The following PAK6 variants were observed in gnomAD, a reference collection of about 807,000 sequenced individuals.
PAK6 encodes the protein p21 (RAC1) activated kinase 6, also known as serine/threonine-protein kinase PAK 6.
Under a neutral mutation model 60.8 loss-of-function variants are expected in PAK6, and 33 were observed. The observed-to-expected ratio is 0.54, with a 90% CI of 0.41 to 0.73. The LOEUF (loss-of-function observed/expected upper bound fraction) is 0.73. Ranked by LOEUF, PAK6 falls within the 30% of genes least tolerant of loss-of-function variation. PAK6 has a pLI of 0.00. For synonymous variants in PAK6, 404 were observed against 378.5 expected (o/e 1.07, Z -0.78); for missense variants, 845 against 904.1 (o/e 0.93, Z 0.84).
At chr15:40,277,161 T>A (rs775941010) in exon 11 of PAK6, 2 of 152,270 alleles carry the variant, frequency 1.3e-5, no homozygotes, top group Non-Finnish European at 1.5e-5. Flanking sequence ...GTTTCCATCA[T>A]GTCAAGGTCA....
At chr15:40,240,432 C>A in intron 1 of PAK6, 167 bp from the exon 2 acceptor site, 1 of 345,858 alleles carries the variant, frequency 2.9e-6, no homozygotes, top group Non-Finnish European at 5.7e-6. Context: ...ACACAGCTGG[C>A]AGCTTTGCGG....
At chr15:40,272,486 A>G in exon 6 of PAK6, 2 of 1,613,824 alleles carry the variant, frequency 1.2e-6, no homozygotes, top group Non-Finnish European at 8.5e-7. Context: ...ACGGTTGCCA[A>G]GGGTGCCCTG....
At chr15:40,266,204 G>C (rs138937506) in exon 5 of PAK6, 1 of 1,609,546 alleles carries the variant, frequency 6.2e-7, no homozygotes. Flanking sequence ...AGGGTGCCTC[G>C]CAGCGCTGTC....
chr15:40,271,066 G>A (rs907839901), intron 5 of PAK6, among the ~76,000 whole-genome samples: 10 of 152,178 alleles, frequency 6.6e-5, no homozygotes, highest in Non-Finnish European at 1.3e-4. Flanking sequence ...AGGACCCACT[G>A]GGCACCTAAG....
chr15:40,274,245 G>GC lies in PAK6; in HGVS notation c.1853dup (p.Pro619ThrfsTer47). 1.9e-6 allele frequency: 3 copies of GC among 1,611,454 alleles called. No homozygotes were observed. The highest frequency in any genetic ancestry group is 1.1e-5 in the South Asian group (1 of 90,922). On this transcript the variant is annotated frameshift_variant, in exon 10 of 11. Transcript: ENST00000560346. LOFTEE classifies it high-confidence loss of function. ...CAAGCCATGAAGAGGCTCCGGGACA[G>GC]CCCCCCACCCAAGCTGAAAAACTCT...
rs138759208 is a variant in PAK6, at chr15:40,243,161, G to A, written c.-118+2480G>A. Among the ~76,000 whole-genome samples the A allele has an allele frequency of 1.3e-4, 20 of 152,288 alleles. No individual in the cohort carries two copies. In the East Asian group the frequency reaches 1.9e-3, roughly 15 times the overall value. On this transcript the variant is annotated intron_variant, in intron 2 of 10. Transcript: ENST00000560346. ...TAAATTTACACCAATACTGGGCAAC[G>A]GTTCTTAACATAGAACTTTATAAAG...
chr15:40,253,087 G>T (rs1213775856), intron 2 of PAK6, 91 bp from the exon 3 acceptor site: 1 of 410,112 alleles, frequency 2.4e-6, no homozygotes, highest in African/African-American at 2.1e-5. Flanking sequence ...GCGCGGAGCG[G>T]TTCCCAGCGC....
At chr15:40,252,559 C>G (rs763517941) in intron 2 of PAK6, 1 of 1,360,472 alleles carries the variant, frequency 7.4e-7, no homozygotes, top group African/African-American at 1.5e-5. Flanking sequence ...AAATCGCGGT[C>G]AGGTGAAGCC....
chr15:40,277,172 C>G (rs1240074854), exon 11 of PAK6: 1 of 152,280 alleles, frequency 6.6e-6, no homozygotes, highest in African/African-American at 2.4e-5. Flanking sequence ...GTCAAGGTCA[C>G]AGGCATCCAT....
chr15:40,240,562 CTTTTTTTTT>C (rs10624794), intron 1 of PAK6, 28 bp from the exon 2 acceptor site: 34 of 321,580 alleles, frequency 1.1e-4, no homozygotes, highest in African/African-American at 5.3e-4. Flanking sequence ...TTTTCTTTTC[CTTTTTTTTT>C]TTTTTTTTTT....
chr15:40,267,709 C>A (rs1316954097), intron 5 of PAK6, among the ~76,000 whole-genome samples: 2 of 152,140 alleles, frequency 1.3e-5, no homozygotes, highest in Non-Finnish European at 2.9e-5. Flanking sequence ...TAGTCCCCTA[C>A]TAGGTTAAAG....
At chr15:40,273,504 G>C (rs936214) in intron 8 of PAK6, 32 bp downstream of exon 8, 3 of 1,613,278 alleles carry the variant, frequency 1.9e-6, no homozygotes, top group Admixed American at 1.7e-5. Context: ...GCACAGCCAC[G>C]CTCCCACTTC....
chr15:40,252,394 G>A, intron 2 of PAK6: 1 of 1,336,948 alleles, frequency 7.5e-7, no homozygotes, highest in Admixed American at 2.0e-5. Flanking sequence ...AAGGGCGGGC[G>A]GGAACTGGGG....
chr15:40,264,955 C>T (rs768438138), exon 4 of PAK6: 79 of 1,613,508 alleles, frequency 4.9e-5, no homozygotes, highest in Admixed American at 5.0e-5. Flanking sequence ...GTGGACCCTT[C>T]GCGAATCACA....
chr15:40,275,335 G>T (rs1164908191), intron 10 of PAK6, among the ~76,000 whole-genome samples: 2 of 110,496 alleles, frequency 1.8e-5, no homozygotes, highest in Non-Finnish European at 3.4e-5. Flanking sequence ...GCTCAGGCTG[G>T]AATGCAGTGG....
At position 40,277,270 on chromosome 15, in the gene PAK6, A is replaced by G. The variant is rs559962933; in HGVS notation, c.*1176A>G. The G allele has an allele frequency of 4.6e-5, 7 of 152,494 alleles. No individual in the cohort carries two copies. In the South Asian group the frequency reaches 1.5e-3, roughly 32 times the overall value. The allele number at this position is 152,494 out of a possible 1,614,324, so 9.4% of individuals were successfully genotyped here. On this transcript the variant is annotated 3_prime_UTR_variant, in exon 11 of 11. Coordinates refer to ENST00000560346, the Ensembl canonical transcript of PAK6. ...TGCCCCACTTCAGGGCTGCTGTGAG[A>G]TGGAATTCCAGGAAAGAACTTCAGG...
exon 11 of PAK6, chr15:40,276,433 C>T (rs557179692): frequency 1.6e-3 from 422 of 257,108 alleles, no homozygotes; most frequent in Non-Finnish European, 2.5e-3. Context: ...AGGCAGTTGT[C>T]CACTAGTGTC....
At chr15:40,253,067 C>A (rs1289011641) in intron 2 of PAK6, 111 bp from the exon 3 acceptor site, 1 of 394,988 alleles carries the variant, frequency 2.5e-6, no homozygotes, top group Non-Finnish European at 5.0e-6. Flanking sequence ...GGAGTTCAGT[C>A]GGGAGGCGGG....
exon 6 of PAK6, chr15:40,272,699 G>A (rs751980188): frequency 1.1e-5 from 18 of 1,594,594 alleles, no homozygotes; most frequent in East Asian, 6.7e-5. Context: ...AAGCAGCAGC[G>A]CAGGGAGCTG....
Sources: allele counts gnomAD v4.1 joint callset (sites outside exome capture counted in the v4.1 genomes callset), GRCh38; gene constraint gnomAD v4.1.1; transcripts MANE v1.5; gene names NCBI Gene and HGNC (gene_info 2026-07-23, HGNC 2026-07-21).